MTUS2: variants seen among roughly 807,000 people sequenced by gnomAD.
The protein encoded by MTUS2 is microtubule associated scaffold protein 2, also known as microtubule-associated tumor suppressor candidate 2.
A neutral mutation model predicts 114.1 loss-of-function variants in MTUS2; 40 were observed. The ratio of observed to expected loss-of-function variants is 0.35; its 90% CI spans 0.27 to 0.46. The LOEUF (loss-of-function observed/expected upper bound fraction) is 0.46. MTUS2 is among the 20% of genes least tolerant of loss of function. MTUS2 has a pLI of 1.00. For synonymous variants in MTUS2, 688 were observed against 672.0 expected, an observed-to-expected ratio of 1.02 and a Z score of -0.37; for missense variants, 1,679 against 1,705.4, an observed-to-expected ratio of 0.98 and a Z score of 0.27.
At chr13:29,007,525 C>T (rs2138408215) in intron 2 of MTUS2, among the ~76,000 whole-genome samples, 1 of 152,288 alleles carries the variant, frequency 6.6e-6, no homozygotes, top group African/African-American at 2.4e-5. Context: ...GGTAAATTAG[C>T]AGTAACTATT....
intron 5 of MTUS2, among the ~76,000 whole-genome samples, chr13:29,115,068 G>A (rs896383451): frequency 3.3e-5 from 5 of 152,182 alleles, no homozygotes; most frequent in Non-Finnish European, 5.9e-5. Flanking sequence ...TGAGAGAAAT[G>A]TACAGGATAA....
At chr13:29,306,705 C>T (rs557932003) in intron 6 of MTUS2, 7 of 265,254 alleles carry the variant, frequency 2.6e-5, no homozygotes, top group African/African-American at 1.1e-4. Context: ...TGAAAATGGT[C>T]GGCTCCCTGC....
intron 5 of MTUS2, among the ~76,000 whole-genome samples, chr13:29,173,658 C>A (rs1379025818): frequency 1.3e-5 from 2 of 152,038 alleles, no homozygotes; most frequent in Non-Finnish European, 2.9e-5. Flanking sequence ...CATATTGATT[C>A]TCTCCTGGAG....
At chr13:29,044,258 G>T (rs1257121941) in intron 4 of MTUS2, among the ~76,000 whole-genome samples, 1 of 149,410 alleles carries the variant, frequency 6.7e-6, no homozygotes, top group African/African-American at 2.4e-5. Flanking sequence ...TAAAGATGCT[G>T]TTTTAGTAAT....
intron 11 of MTUS2, 119 bp downstream of exon 11, chr13:29,488,124 T>A: frequency 1.3e-6 from 1 of 755,182 alleles, no homozygotes; most frequent in Non-Finnish European, 2.2e-6. Context: ...CTTTCCCTCC[T>A]GGTGCATTTT....
chr13:29,064,088 G>C (rs905864255), intron 4 of MTUS2, among the ~76,000 whole-genome samples: 1 of 152,178 alleles, frequency 6.6e-6, no homozygotes, highest in Non-Finnish European at 1.5e-5. Flanking sequence ...ATGTGTTGTG[G>C]AAAAGTGTTA....
intron 9 of MTUS2, among the ~76,000 whole-genome samples, chr13:29,467,637 C>A (rs1181912004): frequency 6.6e-6 from 1 of 151,468 alleles, no homozygotes; most frequent in African/African-American, 2.4e-5. Flanking sequence ...ATTTTTTTTT[C>A]TTTGCAAAAA....
intron 4 of MTUS2, among the ~76,000 whole-genome samples, chr13:29,073,660 G>A (rs1220745017): frequency 6.6e-6 from 1 of 152,160 alleles, no homozygotes; most frequent in Non-Finnish European, 1.5e-5. Context: ...GGCACCATGT[G>A]TACATCTTGC....
chr13:28,825,108 C>T (rs1186654202), intron 1 of MTUS2, among the ~76,000 whole-genome samples: 2 of 152,200 alleles, frequency 1.3e-5, no homozygotes, highest in African/African-American at 4.8e-5. Flanking sequence ...ATCCCCCACT[C>T]CAGCCACCTG....
In MTUS2 at chr13:29,478,563, G is replaced by A. The variant is rs1019287344; in HGVS notation, c.3185-1587G>A. On this transcript the variant is annotated intron_variant, in intron 9 of 15. Transcript: ENST00000612955. ...GAGCAACAAAAGCCTTTTTTGAGGAGGAGTCTTTTTCCATCAATATTGTTT... is the reference window on the plus strand; with the variant it reads ...GAGCAACAAAAGCCTTTTTTGAGGAAGAGTCTTTTTCCATCAATATTGTTT... Among the ~76,000 whole-genome samples the A allele has an allele frequency of 2.0e-5, 3 of 152,182 alleles. No individual in the cohort carries two copies. In the East Asian group the frequency reaches 5.8e-4, roughly 29 times the overall value.
At chr13:28,924,039 A>C (rs1469266399) in intron 2 of MTUS2, among the ~76,000 whole-genome samples, 2 of 152,116 alleles carry the variant, frequency 1.3e-5, no homozygotes, top group Admixed American at 6.5e-5. Context: ...CATCAGTCCC[A>C]GTGTGGCTCA....
At chr13:28,849,322 A>G (rs1876096949) in intron 2 of MTUS2, among the ~76,000 whole-genome samples, 1 of 152,204 alleles carries the variant, frequency 6.6e-6, no homozygotes, top group East Asian at 1.9e-4. Flanking sequence ...AGACACCTGG[A>G]TCTCTAAGAG....
At chr13:28,891,673 G>A (rs561279123) in intron 2 of MTUS2, among the ~76,000 whole-genome samples, 214 of 151,702 alleles carry the variant, frequency 1.4e-3, no homozygotes, top group African/African-American at 4.4e-3. Context: ...AGATCAGGAG[G>A]TGGAGACTAC....
intron 5 of MTUS2, among the ~76,000 whole-genome samples, chr13:29,145,588 G>A (rs191669617): frequency 1.3e-5 from 2 of 152,192 alleles, no homozygotes; most frequent in Non-Finnish European, 2.9e-5. Context: ...GTTCAGTTTA[G>A]GTTTGTTTTT....
At chr13:28,905,230 A>C (rs1266599099) in intron 2 of MTUS2, among the ~76,000 whole-genome samples, 5 of 151,594 alleles carry the variant, frequency 3.3e-5, no homozygotes, top group South Asian at 2.1e-4. Context: ...TCTTTTCCTA[A>C]TTGAATGCCC....
rs73439492 is a variant in MTUS2, at chr13:28,978,891, C to T, written c.-242-45566C>T. Among the ~76,000 whole-genome samples the T allele has an allele frequency of 2.8e-3, 431 of 152,262 alleles. 4 individuals are homozygous for T. The highest frequency in any genetic ancestry group is 1.0e-2 in the African/African-American group (414 of 41,546). Reference sequence around the variant, plus strand: ...GACAGCTAAGATTGGTGGAGTACAACCAGCCAGTGAGGCTCTTTCCTGGGA... The same window carrying T: ...GACAGCTAAGATTGGTGGAGTACAATCAGCCAGTGAGGCTCTTTCCTGGGA... On this transcript the variant is annotated intron_variant, in intron 2 of 15. Transcript: ENST00000612955.
chr13:29,472,302 G>A (rs1320023616), intron 9 of MTUS2, among the ~76,000 whole-genome samples: 10 of 152,126 alleles, frequency 6.6e-5, no homozygotes, highest in Non-Finnish European at 1.2e-4. Flanking sequence ...GATTACAGGC[G>A]TGAGCCACCG....
At chr13:29,203,457 G>T (rs1013281592) in intron 5 of MTUS2, among the ~76,000 whole-genome samples, 1 of 152,004 alleles carries the variant, frequency 6.6e-6, no homozygotes, top group African/African-American at 2.4e-5. Context: ...CTCCGTGGGG[G>T]TGGGTCCCAC....
intron 2 of MTUS2, among the ~76,000 whole-genome samples, chr13:29,021,339 C>T (rs1288014135): frequency 6.6e-6 from 1 of 152,214 alleles, no homozygotes; most frequent in African/African-American, 2.4e-5. Flanking sequence ...TTCTTTCTGT[C>T]CCCTTACCAG....
Sources: gnomAD v4.1 joint callset for allele counts (sites outside exome capture counted in the v4.1 genomes callset) on GRCh38, gnomAD v4.1.1 for gene constraint, MANE v1.5 for transcripts, NCBI Gene and HGNC (gene_info 2026-07-23, HGNC 2026-07-21) for gene names.